The following RPAP2 variants were observed in gnomAD, a reference collection of about 807,000 sequenced individuals.
RPAP2 encodes RNA polymerase II associated protein 2, also known as putative RNA polymerase II subunit B1 CTD phosphatase RPAP2.
In RPAP2, 52 loss-of-function variants were observed where a neutral mutation model predicts 73.1. That is an observed-to-expected ratio of 0.71 (90% CI 0.57 to 0.90). The LOEUF is 0.90. Among genes scored for constraint, RPAP2 ranks in the 40% least tolerant of loss-of-function variants. The pLI is 0.00. For missense variants in RPAP2, 598 were observed against 701.8 expected (o/e 0.85, Z 1.67); for synonymous variants, 225 against 242.1 (o/e 0.93, Z 0.65).
chr1:92,345,933 T>A lies in RPAP2; in HGVS notation c.1688+19T>A. On this transcript the variant is annotated intron_variant, in intron 11 of 12. Transcript: ENST00000610020. ...TGTCATTGTAAGTACTCTCTCAGAT[T>A]TTAACTCTAAATACTAAATGTGAAG... The A allele has an allele frequency of 6.5e-7, 1 of 1,532,976 alleles. No homozygotes were observed. Among genetic ancestry groups the A allele is most frequent in the Non-Finnish European group, 9.0e-7 (1 of 1,110,296 alleles). 95.0% of individuals were successfully genotyped at this position (1,532,976 alleles called of 1,614,324 possible). A position where few individuals can be genotyped will look rare whatever the true frequency, so the allele number is the denominator to read the frequency against.
At chr1:92,362,467 G>C (rs1359653426) in intron 11 of RPAP2, among the ~76,000 whole-genome samples, 1 of 152,154 alleles carries the variant, frequency 6.6e-6, no homozygotes, top group Non-Finnish European at 1.5e-5. Context: ...ACTATTGGCT[G>C]TTTGTGTTGT....
intron 11 of RPAP2, among the ~76,000 whole-genome samples, chr1:92,373,768 A>AAAAAAAAAAC (rs1655271658): frequency 6.9e-6 from 1 of 145,150 alleles, no homozygotes; most frequent in Non-Finnish European, 1.5e-5. Context: ...AAAAAAAAAA[A>AAAAAAAAAAC]AAGTAGCCAG....
intron 12 of RPAP2, among the ~76,000 whole-genome samples, chr1:92,382,719 T>TAG (rs943981703): frequency 2.2e-4 from 34 of 152,270 alleles, no homozygotes; most frequent in African/African-American, 7.9e-4. Flanking sequence ...TTCTGTAGGT[T>TAG]GCCTGTTCAC....
At chr1:92,307,010 T>A (rs879459401) in intron 5 of RPAP2, among the ~76,000 whole-genome samples, 178 bp from the exon 6 acceptor site, 2 of 152,192 alleles carry the variant, frequency 1.3e-5, no homozygotes, top group East Asian at 1.9e-4. Context: ...GGTGATGCAG[T>A]TGGGAAGGGG....
chr1:92,324,090 T>C lies in RPAP2; in HGVS notation c.1170T>C (p.Asn390=). ...EETLRFLYGQ[N]YASVCLKPEA... ...CATTGAGGTTTTTGTATGGCCAGAATTATGCTTCTGTGTGTCTGAAACCCG... is the reference window on the plus strand; with the variant it reads ...CATTGAGGTTTTTGTATGGCCAGAACTATGCTTCTGTGTGTCTGAAACCCG... Residue 390 remains asparagine (N), a synonymous_variant, in exon 8 of 13, where the codon AAT becomes AAC. Transcript: ENST00000610020. 1 of 1,614,112 alleles carries C rather than the reference T, an allele frequency of 6.2e-7. No homozygotes were observed. Among genetic ancestry groups the C allele is most frequent in the Non-Finnish European group, 8.5e-7 (1 of 1,179,982 alleles).
Position 92,323,895 on chromosome 1 carries a change from T to C in RPAP2, c.975T>C (p.Thr325=), listed in dbSNP as rs770563928. The part of the protein sequence containing the change: ...SESEYSRSEI[T]LVGISKKSAE... ...GTGAATACAGTAGGTCAGAAATAAC[T>C]CTAGTAGGCATAAGTAAGAAAAGTG... Residue 325 remains threonine (T), a synonymous_variant, in exon 8 of 13, where the codon ACT becomes ACC. Coordinates refer to ENST00000610020, the MANE Select transcript of RPAP2 (RefSeq NM_024813.3). 5 of 1,614,104 alleles carry C rather than the reference T, an allele frequency of 3.1e-6. No homozygotes were observed. The East Asian group carries it at 8.9e-5, about 29-fold the overall frequency.
chr1:92,371,330 A>G, intron 11 of RPAP2, among the ~76,000 whole-genome samples: 1 of 129,658 alleles, frequency 7.7e-6, no homozygotes, highest in Non-Finnish European at 1.6e-5. Flanking sequence ...ATATATATAT[A>G]TATATATACC....
intron 9 of RPAP2, among the ~76,000 whole-genome samples, chr1:92,333,823 G>A (rs193279853): frequency 6.6e-6 from 1 of 152,172 alleles, no homozygotes; most frequent in Non-Finnish European, 1.5e-5. Flanking sequence ...AGCAGTTTCA[G>A]ATGCAAATAA....
In RPAP2 at chr1:92,398,749, AG is replaced by A. The variant is rs1656246616; in HGVS notation, c.*11739del. On this transcript the variant is annotated 3_prime_UTR_variant, in exon 13 of 13. Transcript: ENST00000610020. ...CATCAAAGCCCTAGTCAGGAATCCC[AG>A]CCACTCCTCTCCTGTGCAGCACAAG... 6.6e-6 allele frequency: 1 copy of A among 152,194 alleles called. No individual in the cohort carries two copies. The highest frequency in any genetic ancestry group is 1.5e-5 in the Non-Finnish European group (1 of 68,058). The allele number at this position is 152,194 out of a possible 1,614,324, so 9.4% of individuals were successfully genotyped here. A position where few individuals can be genotyped will look rare whatever the true frequency, so the allele number is the denominator to read the frequency against.
Position 92,323,876 on chromosome 1 carries a change from A to T in RPAP2, c.956A>T (p.Tyr319Phe). 1 of 1,614,146 alleles carries T rather than the reference A, an allele frequency of 6.2e-7. No individual in the cohort carries two copies. Among genetic ancestry groups the T allele is most frequent in the South Asian group, 1.1e-5 (1 of 91,080 alleles). Reference sequence around the variant, plus strand: ...GCGTCAGAAAATTCTGAAAGTGAATACAGTAGGTCAGAAATAACTCTAGTA... The same window carrying T: ...GCGTCAGAAAATTCTGAAAGTGAATTCAGTAGGTCAGAAATAACTCTAGTA... ...LKASENSESE[Y>F]SRSEITLVGI... The change falls in exon 8 of 13, where the codon TAC (tyrosine) becomes TTC (phenylalanine). Residue 319 changes from tyrosine to phenylalanine, a missense_variant. This residue lies in a region of RPAP2 where 506 missense variants were observed against 612.8 expected (regional missense o/e 0.83). Transcript: ENST00000610020.
At chr1:92,306,964 A>G (rs1158599182) in intron 5 of RPAP2, among the ~76,000 whole-genome samples, 1 of 152,120 alleles carries the variant, frequency 6.6e-6, no homozygotes, top group Admixed American at 6.5e-5. Flanking sequence ...ATTAACACCA[A>G]ATTTATGGTA....
intron 12 of RPAP2, among the ~76,000 whole-genome samples, chr1:92,382,711 C>T (rs1655698017): frequency 6.6e-6 from 1 of 152,166 alleles, no homozygotes; most frequent in African/African-American, 2.4e-5. Flanking sequence ...TTCTCCCATT[C>T]TGTAGGTTGC....
chr1:92,361,580 T>A (rs1018788264), intron 11 of RPAP2, among the ~76,000 whole-genome samples: 6 of 152,158 alleles, frequency 3.9e-5, no homozygotes, highest in African/African-American at 1.4e-4. Flanking sequence ...ATGATTCATA[T>A]TTTCCCATGT....
chr1:92,321,310 T>G (rs1316273662), intron 7 of RPAP2, among the ~76,000 whole-genome samples: 1 of 152,210 alleles, frequency 6.6e-6, no homozygotes, highest in Non-Finnish European at 1.5e-5. Flanking sequence ...GTTCTAATTT[T>G]TTTGAGCTTA....
In RPAP2 at chr1:92,299,090, G is replaced by C; in HGVS notation, c.17G>C (p.Gly6Ala). The C allele has an allele frequency of 6.6e-7, 1 of 1,518,378 alleles. No individual in the cohort carries two copies. The highest frequency in any genetic ancestry group is 1.2e-5 in the South Asian group (1 of 80,076). 94.1% of individuals were successfully genotyped at this position (1,518,378 alleles called of 1,614,324 possible). A position where few individuals can be genotyped will look rare whatever the true frequency, so the allele number is the denominator to read the frequency against. Residue 6 changes from glycine (G) to alanine (A), a missense_variant, in exon 1 of 13, where the codon GGG (glycine) becomes GCG (alanine). Gly to Ala is a moderately conservative substitution (Grantham distance 60, BLOSUM62 0). Transcript: ENST00000610020. MADFA[G>A]PSSAGRKAGA... ...CTCTCCCCCATGGCGGACTTCGCTG[G>C]GCCGTCTTCTGCCGGCCGCAAGGCC...
At chr1:92,305,699 G>C (rs184671313) in intron 5 of RPAP2, among the ~76,000 whole-genome samples, 2 of 151,998 alleles carry the variant, frequency 1.3e-5, no homozygotes, top group Admixed American at 1.3e-4. Context: ...ATTTACACAA[G>C]GAACTTGAAT....
At chr1:92,345,240 C>T (rs1653813375) in intron 10 of RPAP2, among the ~76,000 whole-genome samples, 1 of 151,756 alleles carries the variant, frequency 6.6e-6, no homozygotes, top group Admixed American at 6.6e-5. Context: ...GCAGCATGTA[C>T]CTGTCATCCC....
At chr1:92,365,042 T>A (rs568453339) in intron 11 of RPAP2, among the ~76,000 whole-genome samples, 281 of 152,352 alleles carry the variant, frequency 1.8e-3, no homozygotes, top group African/African-American at 6.4e-3. Flanking sequence ...TCAATAGGAC[T>A]TGACCTATGC....
At chr1:92,362,578 A>G (rs1479749761) in intron 11 of RPAP2, among the ~76,000 whole-genome samples, 4 of 152,170 alleles carry the variant, frequency 2.6e-5, no homozygotes, top group African/African-American at 9.6e-5. Context: ...CAGAATACAC[A>G]AGGCTTAACA....
Sources: gnomAD v4.1 joint callset for allele counts (sites outside exome capture counted in the v4.1 genomes callset) on GRCh38, gnomAD v4.1.1 for gene constraint, gnomAD v4.1.1 regional missense constraint, MANE v1.5 for transcripts, NCBI Gene and HGNC (gene_info 2026-07-23, HGNC 2026-07-21) for gene names.